Variants in CNTNAP5 observed in about 807,000 individuals in gnomAD.
The protein encoded by CNTNAP5 is contactin-associated protein-like 5.
CNTNAP5 carries 72 observed loss-of-function variants against 150.2 expected under a neutral mutation model. That is an observed-to-expected ratio of 0.48 (90% CI 0.40 to 0.58). The LOEUF is 0.58. CNTNAP5 is among the 20% of genes least tolerant of loss of function. The probability of loss-of-function intolerance (pLI) is 0.00; values close to 1 mark genes in which losing one functional copy is unlikely to be tolerated. For missense variants in CNTNAP5, 1,636 were observed against 1,626.2 expected (o/e 1.01, Z -0.10); for synonymous variants, 672 against 619.8 (o/e 1.08, Z -1.25).
intron 12 of CNTNAP5, among the ~76,000 whole-genome samples, chr2:124,645,666 T>C (rs1456328961): frequency 6.6e-6 from 1 of 152,200 alleles, no homozygotes; most frequent in Non-Finnish European, 1.5e-5. Context: ...AGTCAGAATG[T>C]TTGAGCACAG....
chr2:124,485,029 C>T (rs11693506), intron 7 of CNTNAP5, among the ~76,000 whole-genome samples: 31,688 of 151,944 alleles, frequency 0.21, 3,648 homozygotes, highest in East Asian at 0.34. Flanking sequence ...GCCAGTTGGG[C>T]GGGCTTCTTA....
chr2:124,622,635 GT>G (rs1469640238), intron 12 of CNTNAP5, among the ~76,000 whole-genome samples: 1 of 151,796 alleles, frequency 6.6e-6, no homozygotes, highest in Admixed American at 6.6e-5. Flanking sequence ...AGCGTCTGTT[GT>G]TTTTACTTTT....
chr2:124,592,555 A>G (rs1008023844), intron 11 of CNTNAP5, among the ~76,000 whole-genome samples: 1 of 151,500 alleles, frequency 6.6e-6, no homozygotes. Flanking sequence ...AAAAAATGCT[A>G]AAGAAAATGA....
At chr2:124,518,426 C>T (rs1176504344) in intron 8 of CNTNAP5, among the ~76,000 whole-genome samples, 5 of 152,060 alleles carry the variant, frequency 3.3e-5, no homozygotes, top group Non-Finnish European at 5.9e-5. Flanking sequence ...CACAAAATAA[C>T]AGAACTAAAG....
At chr2:124,403,290 TTCTC>T (rs1691476597) in intron 3 of CNTNAP5, among the ~76,000 whole-genome samples, 1 of 152,222 alleles carries the variant, frequency 6.6e-6, no homozygotes, top group Non-Finnish European at 1.5e-5. Flanking sequence ...TTTCTTTTTT[TTCTC>T]TCTGTCTTTC....
At chr2:124,222,459 G>A (rs1287112020) in intron 2 of CNTNAP5, among the ~76,000 whole-genome samples, 5 of 152,026 alleles carry the variant, frequency 3.3e-5, no homozygotes, top group African/African-American at 4.8e-5. Flanking sequence ...TACATAGGTA[G>A]ATAAATACTG....
intron 22 of CNTNAP5, among the ~76,000 whole-genome samples, chr2:124,905,326 CT>C (rs1678513642): frequency 6.6e-6 from 1 of 151,894 alleles, no homozygotes; most frequent in South Asian, 2.1e-4. Flanking sequence ...CCCTTTTACA[CT>C]CCTGGTGGGA....
At chr2:124,223,832 A>G (rs1686388407) in intron 2 of CNTNAP5, among the ~76,000 whole-genome samples, 1 of 151,348 alleles carries the variant, frequency 6.6e-6, no homozygotes. Flanking sequence ...TTTCCCAACA[A>G]GAGTCTAAAT....
At chr2:124,396,373 T>C (rs1209506972) in intron 3 of CNTNAP5, among the ~76,000 whole-genome samples, 1 of 152,188 alleles carries the variant, frequency 6.6e-6, no homozygotes, top group Non-Finnish European at 1.5e-5. Flanking sequence ...TCCCTGGTAT[T>C]GGTGCAGAGG....
intron 14 of CNTNAP5, among the ~76,000 whole-genome samples, chr2:124,749,883 C>T (rs1036605041): frequency 6.6e-6 from 1 of 152,154 alleles, no homozygotes; most frequent in East Asian, 1.9e-4. Flanking sequence ...CAGGGAAAAG[C>T]GTGGCCTTAT....
chr2:124,074,117 A>C (rs1682380050), intron 1 of CNTNAP5, among the ~76,000 whole-genome samples: 1 of 152,160 alleles, frequency 6.6e-6, no homozygotes, highest in African/African-American at 2.4e-5. Context: ...ATTTTCACTT[A>C]TCTGTGGGAG....
chr2:124,390,158 G>A (rs1390733303), intron 3 of CNTNAP5, among the ~76,000 whole-genome samples: 1 of 151,998 alleles, frequency 6.6e-6, no homozygotes, highest in South Asian at 2.1e-4. Context: ...ATGATCAAAG[G>A]GCTAGACCCT....
intron 1 of CNTNAP5, among the ~76,000 whole-genome samples, chr2:124,089,435 C>T (rs1344123727): frequency 6.6e-6 from 1 of 152,034 alleles, no homozygotes; most frequent in African/African-American, 2.4e-5. Flanking sequence ...GGAAACTTGC[C>T]CCAGCTCATA....
intron 20 of CNTNAP5, among the ~76,000 whole-genome samples, chr2:124,866,606 T>A (rs1677637257): frequency 6.6e-6 from 1 of 151,876 alleles, no homozygotes; most frequent in Non-Finnish European, 1.5e-5. Context: ...AGAGGGTCCA[T>A]GTGAGCGCAG....
chr2:124,342,867 G>T (rs1334360248), intron 3 of CNTNAP5, among the ~76,000 whole-genome samples: 1 of 151,880 alleles, frequency 6.6e-6, no homozygotes, highest in Non-Finnish European at 1.5e-5. Context: ...CATGAGTTCA[G>T]TCCCAAATAA....
At chr2:124,146,323 C>T (rs1469493811) in intron 1 of CNTNAP5, among the ~76,000 whole-genome samples, 1 of 152,160 alleles carries the variant, frequency 6.6e-6, no homozygotes, top group Non-Finnish European at 1.5e-5. Context: ...CCTCCCTTCC[C>T]AAATTTCCTG....
chr2:124,865,448 A>T lies in CNTNAP5; in HGVS notation c.3348+12A>T. 6.4e-7 allele frequency: 1 copy of T among 1,551,006 alleles called. No individual in the cohort carries two copies. The highest frequency in any genetic ancestry group is 8.7e-7 in the Non-Finnish European group (1 of 1,146,560). ...AGCTTACCATTCAGGTACCTTCCTT[A>T]CTTTCTCCTGCTTCAGCCAATGTGC... On this transcript the variant is annotated intron_variant, in intron 20 of 23. Coordinates refer to ENST00000682447, the MANE Select transcript of CNTNAP5 (RefSeq NM_001367498.1).
At chr2:124,867,706 T>G (rs1677661769) in intron 20 of CNTNAP5, among the ~76,000 whole-genome samples, 1 of 152,202 alleles carries the variant, frequency 6.6e-6, no homozygotes, top group South Asian at 2.1e-4. Flanking sequence ...GCTTTTGATC[T>G]ACACTCACTC....
intron 3 of CNTNAP5, among the ~76,000 whole-genome samples, chr2:124,320,150 C>T (rs888596978): frequency 1.3e-5 from 2 of 152,166 alleles, no homozygotes; most frequent in Non-Finnish European, 2.9e-5. Context: ...CAGTTATATC[C>T]ATTTATGCTG....
Sources: allele counts gnomAD v4.1 joint callset (sites outside exome capture counted in the v4.1 genomes callset), GRCh38; gene constraint gnomAD v4.1.1; transcripts MANE v1.5; gene names NCBI Gene and HGNC (gene_info 2026-07-23, HGNC 2026-07-21).